FHIT: variants seen among roughly 807,000 people sequenced by gnomAD.
The protein encoded by FHIT is bis(5'-adenosyl)-triphosphatase.
A neutral mutation model predicts 17.9 loss-of-function variants in FHIT; 19 were observed. The observed-to-expected ratio is 1.06, with a 90% CI of 0.74 to 1.56. The LOEUF (loss-of-function observed/expected upper bound fraction) is 1.56. Ranked by LOEUF, FHIT falls within the 40% of genes most tolerant of loss-of-function variation. The pLI is 0.00. For synonymous variants in FHIT, 81 were observed against 69.7 expected, an observed-to-expected ratio of 1.16 and a Z score of -0.81; for missense variants, 248 against 189.2, an observed-to-expected ratio of 1.31 and a Z score of -1.82.
chr3:60,604,682 A>G (rs2107719272), intron 4 of FHIT, among the ~76,000 whole-genome samples: 1 of 152,220 alleles, frequency 6.6e-6, no homozygotes, highest in Middle Eastern at 3.4e-3. Flanking sequence ...ATGAAATGGG[A>G]AAAAAACCGA....
chr3:60,249,695 C>CACAG (rs1705591539), intron 5 of FHIT, among the ~76,000 whole-genome samples: 1 of 150,942 alleles, frequency 6.6e-6, no homozygotes, highest in South Asian at 2.1e-4. Flanking sequence ...CCAAGACACA[C>CACAG]ACACACACAC....
chr3:61,181,712 T>A (rs141815165), intron 2 of FHIT, among the ~76,000 whole-genome samples: 22 of 152,296 alleles, frequency 1.4e-4, no homozygotes, highest in African/African-American at 5.3e-4. Context: ...TCTTGCCACA[T>A]AGGGCCCACT....
chr3:60,419,453 C>T (rs1199299769), intron 5 of FHIT, among the ~76,000 whole-genome samples: 2 of 152,202 alleles, frequency 1.3e-5, no homozygotes, highest in Admixed American at 1.3e-4. Context: ...CCCACCACCA[C>T]TGTAAGCCCC....
At chr3:60,159,743 A>G (rs1700855180) in intron 5 of FHIT, among the ~76,000 whole-genome samples, 1 of 152,232 alleles carries the variant, frequency 6.6e-6, no homozygotes, top group South Asian at 2.1e-4. Flanking sequence ...AAGCTGAGGA[A>G]ACTGAAGGAC....
chr3:60,473,580 A>G (rs930484187), intron 5 of FHIT, among the ~76,000 whole-genome samples: 20 of 152,204 alleles, frequency 1.3e-4, no homozygotes, highest in African/African-American at 4.8e-4. Flanking sequence ...CTTTGGTGGC[A>G]AAAAATTTTC....
chr3:60,523,010 G>A (rs1481843365), intron 5 of FHIT, among the ~76,000 whole-genome samples: 1 of 152,090 alleles, frequency 6.6e-6, no homozygotes, highest in African/African-American at 2.4e-5. Context: ...ACGGCAGCAG[G>A]CAAAAGGAAA....
chr3:60,200,289 A>G (rs1470685912), intron 5 of FHIT, among the ~76,000 whole-genome samples: 10 of 152,054 alleles, frequency 6.6e-5, no homozygotes, highest in African/African-American at 2.4e-4. Flanking sequence ...TCCCCTTTCC[A>G]CATTTTAGGG....
intron 5 of FHIT, among the ~76,000 whole-genome samples, chr3:60,100,901 T>C (rs544137930): frequency 6.6e-5 from 10 of 152,294 alleles, no homozygotes; most frequent in Non-Finnish European, 1.2e-4. Flanking sequence ...ACTTGACCTT[T>C]GGACAAAAAA....
intron 5 of FHIT, among the ~76,000 whole-genome samples, chr3:60,279,894 T>C (rs1359537383): frequency 6.6e-6 from 1 of 151,908 alleles, no homozygotes; most frequent in Non-Finnish European, 1.5e-5. Flanking sequence ...TAGCCAGGTA[T>C]GGTGGCAGGC....
At chr3:60,065,168 A>G (rs1457460466) in intron 5 of FHIT, among the ~76,000 whole-genome samples, 1 of 152,206 alleles carries the variant, frequency 6.6e-6, no homozygotes, top group African/African-American at 2.4e-5. Context: ...AATGAGAATC[A>G]TGAAAATATG....
intron 4 of FHIT, among the ~76,000 whole-genome samples, chr3:60,756,290 T>C (rs1214214078): frequency 2.0e-5 from 3 of 152,208 alleles, no homozygotes; most frequent in Non-Finnish European, 4.4e-5. Context: ...GGGTGAGTAT[T>C]GTACAAGGTT....
chr3:60,581,330 T>C (rs782396870), intron 4 of FHIT, among the ~76,000 whole-genome samples: 1 of 152,120 alleles, frequency 6.6e-6, no homozygotes, highest in African/African-American at 2.4e-5. Flanking sequence ...AGATGAGAGA[T>C]GAACCTAGAG....
chr3:60,614,809 GTTTT>G (rs147892145), intron 4 of FHIT, among the ~76,000 whole-genome samples: 3 of 78,226 alleles, frequency 3.8e-5, no homozygotes, highest in African/African-American at 4.9e-5. Context: ...TGCAAAAGTT[GTTTT>G]TTTTTTGTTT....
At chr3:60,027,890 G>C (rs368448589) in intron 5 of FHIT, among the ~76,000 whole-genome samples, 14 of 152,094 alleles carry the variant, frequency 9.2e-5, no homozygotes, top group East Asian at 5.8e-4. Context: ...GTAGCCACTA[G>C]CCATATGTGG....
chr3:61,080,376 T>G (rs1051239431), intron 2 of FHIT, among the ~76,000 whole-genome samples: 3 of 152,162 alleles, frequency 2.0e-5, no homozygotes, highest in African/African-American at 7.2e-5. Flanking sequence ...GCCCTCAGAA[T>G]TATTAGAGCA....
At chr3:60,384,556 G>C (rs1700931763) in intron 5 of FHIT, among the ~76,000 whole-genome samples, 1 of 152,012 alleles carries the variant, frequency 6.6e-6, no homozygotes, top group Non-Finnish European at 1.5e-5. Flanking sequence ...TAGTTTATTA[G>C]TCATTCTTGC....
intron 3 of FHIT, among the ~76,000 whole-genome samples, chr3:60,930,337 A>C (rs1457155875): frequency 1.3e-5 from 2 of 152,228 alleles, no homozygotes; most frequent in Non-Finnish European, 2.9e-5. Flanking sequence ...CACCAAAAGC[A>C]ATGGTAACAA....
chr3:60,453,295 A>G (rs1458320182), intron 5 of FHIT, among the ~76,000 whole-genome samples: 3 of 151,956 alleles, frequency 2.0e-5, no homozygotes, highest in Non-Finnish European at 4.4e-5. Context: ...TTTTCTGGGG[A>G]CACAGAAGGA....
intron 4 of FHIT, among the ~76,000 whole-genome samples, chr3:60,669,226 T>C (rs1009911183): frequency 2.0e-5 from 3 of 152,008 alleles, no homozygotes; most frequent in Admixed American, 6.6e-5. Flanking sequence ...GTTAAAAGAG[T>C]GGTTGTTGGT....
Sources: gnomAD v4.1 joint callset for allele counts (sites outside exome capture counted in the v4.1 genomes callset) on GRCh38, gnomAD v4.1.1 for gene constraint, MANE v1.5 for transcripts, NCBI Gene and HGNC (gene_info 2026-07-23, HGNC 2026-07-21) for gene names.